The following LARP1B variants were observed in gnomAD, a reference collection of about 807,000 sequenced individuals.
LARP1B encodes the protein La ribonucleoprotein 1B.
A neutral mutation model predicts 114.2 loss-of-function variants in LARP1B; 76 were observed. The ratio of observed to expected loss-of-function variants is 0.67; its 90% CI spans 0.55 to 0.81. The LOEUF is 0.81. LARP1B is among the 30% of genes least tolerant of loss of function. The probability of loss-of-function intolerance (pLI) is 0.00; values close to 1 mark genes in which losing one functional copy is unlikely to be tolerated. For missense variants in LARP1B, 1,014 were observed against 1,075.8 expected (o/e 0.94, Z 0.80); for synonymous variants, 345 against 348.0 (o/e 0.99, Z 0.10).
chr4:128,101,201 C>T (rs970988145), intron 8 of LARP1B, among the ~76,000 whole-genome samples: 2 of 150,212 alleles, frequency 1.3e-5, no homozygotes, highest in Admixed American at 6.6e-5. Flanking sequence ...GGGCTGGGCG[C>T]GGTGGCTCAT....
At chr4:128,062,930 C>G (rs1328530325) in intron 1 of LARP1B, among the ~76,000 whole-genome samples, 1 of 152,008 alleles carries the variant, frequency 6.6e-6, no homozygotes, top group African/African-American at 2.4e-5. Flanking sequence ...AAATAAAGTG[C>G]TTTAAGTTAT....
chr4:128,162,460 T>C (rs2150441552), intron 12 of LARP1B, 143 bp downstream of exon 12: 2 of 731,212 alleles, frequency 2.7e-6, no homozygotes, highest in Middle Eastern at 6.1e-4. Context: ...AACTCAACTT[T>C]TATCCTTTTG....
chr4:128,152,299 G>A (rs377030366), intron 11 of LARP1B, among the ~76,000 whole-genome samples: 305 of 150,766 alleles, frequency 2.0e-3, no homozygotes, highest in African/African-American at 7.1e-3. Flanking sequence ...CACCTCCCGG[G>A]TTCAAGCGAT....
intron 19 of LARP1B, 90 bp from the exon 20 acceptor site, chr4:128,209,766 C>A (rs1357269654): frequency 1.9e-4 from 170 of 884,056 alleles, no homozygotes; most frequent in Non-Finnish European, 2.7e-4. Context: ...GTCCATTTAA[C>A]TTACTTTTTT....
intron 11 of LARP1B, chr4:128,155,394 C>G (rs1735032515): frequency 1.6e-6 from 1 of 610,600 alleles, no homozygotes; most frequent in Admixed American, 2.6e-5. Context: ...GGGGCATGTT[C>G]TGAGACTTCA....
intron 11 of LARP1B, among the ~76,000 whole-genome samples, chr4:128,145,755 G>C (rs1431069613): frequency 1.3e-5 from 2 of 152,142 alleles, no homozygotes; most frequent in East Asian, 1.9e-4. Flanking sequence ...CATCTTGTGA[G>C]CTCTTCTCTC....
intron 1 of LARP1B, chr4:128,069,116 G>T: frequency 9.2e-7 from 1 of 1,087,990 alleles, no homozygotes. Flanking sequence ...CAAGGCTATG[G>T]CTCTTTCGGC....
chr4:128,123,146 G>C (rs1403273196), intron 11 of LARP1B: 2 of 985,202 alleles, frequency 2.0e-6, no homozygotes, highest in Non-Finnish European at 1.2e-6. Context: ...AGCCTTCTTG[G>C]CTCCTCATTT....
intron 11 of LARP1B, among the ~76,000 whole-genome samples, chr4:128,131,974 C>T (rs2150114286): frequency 6.6e-6 from 1 of 152,268 alleles, no homozygotes; most frequent in South Asian, 2.1e-4. Context: ...TAAAATGGTG[C>T]ATCTGCTTTG....
At chr4:128,130,324 G>C (rs947294619) in intron 11 of LARP1B, among the ~76,000 whole-genome samples, 1 of 152,062 alleles carries the variant, frequency 6.6e-6, no homozygotes, top group Non-Finnish European at 1.5e-5. Context: ...ATTTAAAAAT[G>C]GTTCACTAAA....
intron 15 of LARP1B, among the ~76,000 whole-genome samples, chr4:128,193,088 C>T (rs1752795185): frequency 6.6e-6 from 1 of 152,156 alleles, no homozygotes; most frequent in Admixed American, 6.5e-5. Context: ...CCTGCCTTAG[C>T]CTCCCAAGGT....
At chr4:128,185,828 T>G (rs1312520440) in intron 15 of LARP1B, among the ~76,000 whole-genome samples, 1 of 152,202 alleles carries the variant, frequency 6.6e-6, no homozygotes, top group Non-Finnish European at 1.5e-5. Context: ...GGGTCCTAGT[T>G]TAAGTCTTTA....
At chr4:128,146,349 A>G (rs1002781007) in intron 11 of LARP1B, among the ~76,000 whole-genome samples, 3 of 152,216 alleles carry the variant, frequency 2.0e-5, no homozygotes, top group South Asian at 2.1e-4. Context: ...CAAATAAGAG[A>G]ATGGTAAAAT....
intron 6 of LARP1B, 45 bp downstream of exon 6, chr4:128,091,189 A>G: frequency 6.3e-7 from 1 of 1,594,052 alleles, no homozygotes; most frequent in Non-Finnish European, 8.5e-7. Flanking sequence ...AACTTTGAAA[A>G]AAATAGAGCA....
intron 11 of LARP1B, among the ~76,000 whole-genome samples, chr4:128,133,661 A>G (rs1161274476): frequency 6.6e-6 from 1 of 152,238 alleles, no homozygotes; most frequent in Admixed American, 6.5e-5. Context: ...TTGAATAGAC[A>G]GTCCAGAAAT....
intron 4 of LARP1B, among the ~76,000 whole-genome samples, chr4:128,080,374 A>G (rs1322923396): frequency 6.6e-6 from 1 of 152,190 alleles, no homozygotes; most frequent in African/African-American, 2.4e-5. Flanking sequence ...TCAAGCTTTT[A>G]ATTGATCTAG....
intron 1 of LARP1B, among the ~76,000 whole-genome samples, chr4:128,062,903 TTAAG>T (rs1760834221): frequency 6.6e-6 from 1 of 152,108 alleles, no homozygotes; most frequent in African/African-American, 2.4e-5. Context: ...CCCTAAAACT[TTAAG>T]TATAATTAAA....
At chr4:128,110,668 C>T (rs181605021) in intron 9 of LARP1B, among the ~76,000 whole-genome samples, 1,154 of 7,346 alleles carry the variant, frequency 0.16, 24 homozygotes, top group East Asian at 0.48. Flanking sequence ...CAGAGCGAGA[C>T]TCCGTCTCAA....
chr4:128,188,381 T>G (rs958660481), intron 15 of LARP1B, among the ~76,000 whole-genome samples: 1 of 152,168 alleles, frequency 6.6e-6, no homozygotes, highest in Admixed American at 6.5e-5. Context: ...GGCTGGGTAT[T>G]TCTTTATAGT....
Sources: allele counts gnomAD v4.1 joint callset (sites outside exome capture counted in the v4.1 genomes callset), GRCh38; gene constraint gnomAD v4.1.1; transcripts MANE v1.5; gene names NCBI Gene and HGNC (gene_info 2026-07-23, HGNC 2026-07-21).